The following CNTN4 variants were observed in gnomAD, a reference collection of about 807,000 sequenced individuals.
The protein encoded by CNTN4 is contactin-4.
CNTN4 carries 77 observed loss-of-function variants against 122.5 expected under a neutral mutation model. The observed-to-expected ratio is 0.63, with a 90% CI of 0.52 to 0.76. The LOEUF (loss-of-function observed/expected upper bound fraction) is 0.76, where lower values mean the gene tolerates loss of function less well. CNTN4 is among the 30% of genes least tolerant of loss of function. The pLI, the probability that CNTN4 is intolerant of heterozygous loss-of-function variation, is 0.00. For missense variants in CNTN4, 1,256 were observed against 1,259.1 expected (o/e 1.00, Z 0.04); for synonymous variants, 512 against 447.0 (o/e 1.15, Z -1.83).
chr3:2,886,699 A>C (rs1258250711), intron 9 of CNTN4, among the ~76,000 whole-genome samples: 1 of 151,528 alleles, frequency 6.6e-6, no homozygotes, highest in African/African-American at 2.4e-5. Flanking sequence ...TTTTTAGTAG[A>C]GACGGGGTTT....
At chr3:2,210,001 G>T (rs1372417193) in intron 2 of CNTN4, among the ~76,000 whole-genome samples, 9 of 151,784 alleles carry the variant, frequency 5.9e-5, no homozygotes, top group Admixed American at 5.9e-4. Context: ...GCATAGCCTA[G>T]CCTTTCCTGG....
intron 2 of CNTN4, among the ~76,000 whole-genome samples, chr3:2,210,376 G>A (rs555486049): frequency 8.5e-5 from 13 of 152,226 alleles, no homozygotes; most frequent in Admixed American, 3.9e-4. Flanking sequence ...GTGACAGCAC[G>A]CTGCACCATT....
intron 14 of CNTN4, among the ~76,000 whole-genome samples, chr3:3,001,356 A>T (rs186038913): frequency 6.6e-6 from 1 of 152,250 alleles, no homozygotes. Flanking sequence ...AGAATTCCTC[A>T]TTGTTTTTTC....
At chr3:2,518,547 C>T (rs555398533) in intron 3 of CNTN4, among the ~76,000 whole-genome samples, 1 of 152,064 alleles carries the variant, frequency 6.6e-6, no homozygotes, top group African/African-American at 2.4e-5. Context: ...TTGAGCATCA[C>T]AGAGTTTTCT....
chr3:2,658,085 T>C (rs1045409164), intron 4 of CNTN4, among the ~76,000 whole-genome samples: 1 of 149,954 alleles, frequency 6.7e-6, no homozygotes, highest in African/African-American at 2.5e-5. Context: ...TTTCATTTAA[T>C]GCTGTGCTTA....
At chr3:2,343,754 A>T (rs775048915) in intron 3 of CNTN4, among the ~76,000 whole-genome samples, 1 of 152,260 alleles carries the variant, frequency 6.6e-6, no homozygotes, top group African/African-American at 2.4e-5. Context: ...CACTGGCAAC[A>T]TAGCTATGGT....
intron 12 of CNTN4, among the ~76,000 whole-genome samples, chr3:2,913,972 C>T (rs776765723): frequency 5.3e-5 from 8 of 151,994 alleles, no homozygotes; most frequent in Admixed American, 2.0e-4. Context: ...CGGACTATGA[C>T]GGAATGAAAC....
At chr3:2,609,991 G>A (rs1248721723) in intron 4 of CNTN4, among the ~76,000 whole-genome samples, 1 of 152,140 alleles carries the variant, frequency 6.6e-6, no homozygotes, top group Non-Finnish European at 1.5e-5. Flanking sequence ...TGAGGTTAGA[G>A]ATGATATCTT....
intron 4 of CNTN4, among the ~76,000 whole-genome samples, chr3:2,651,373 A>C (rs1394558282): frequency 6.6e-6 from 1 of 152,120 alleles, no homozygotes; most frequent in African/African-American, 2.4e-5. Flanking sequence ...TCCTTCTCCC[A>C]AAAATAGTGT....
At chr3:2,676,149 A>T (rs2084830994) in intron 4 of CNTN4, among the ~76,000 whole-genome samples, 1 of 151,994 alleles carries the variant, frequency 6.6e-6, no homozygotes, top group Non-Finnish European at 1.5e-5. Context: ...TGATGATAAT[A>T]TTTTACTTAT....
intron 3 of CNTN4, among the ~76,000 whole-genome samples, chr3:2,482,077 G>A (rs1559594008): frequency 6.6e-6 from 1 of 152,184 alleles, no homozygotes; most frequent in South Asian, 2.1e-4. Flanking sequence ...GGTAACAGAG[G>A]TTGAAACAGT....
intron 3 of CNTN4, among the ~76,000 whole-genome samples, chr3:2,478,939 T>A (rs1201561702): frequency 6.6e-6 from 1 of 152,162 alleles, no homozygotes; most frequent in Non-Finnish European, 1.5e-5. Context: ...TTTTACTATA[T>A]AATATCTTGA....
intron 3 of CNTN4, among the ~76,000 whole-genome samples, chr3:2,372,279 T>A (rs933539129): frequency 1.3e-5 from 2 of 152,218 alleles, no homozygotes; most frequent in African/African-American, 2.4e-5. Context: ...AAAGGAGACA[T>A]AAATGGCTTT....
chr3:2,589,763 C>A (rs2080375519), intron 4 of CNTN4, among the ~76,000 whole-genome samples: 1 of 152,180 alleles, frequency 6.6e-6, no homozygotes, highest in African/African-American at 2.4e-5. Flanking sequence ...ACATATGTGA[C>A]TGGCAGGCTC....
intron 4 of CNTN4, among the ~76,000 whole-genome samples, chr3:2,668,419 T>C (rs1272370722): frequency 6.6e-6 from 1 of 152,228 alleles, no homozygotes; most frequent in Non-Finnish European, 1.5e-5. Context: ...ATAAGAATGC[T>C]TGTGATTTTT....
chr3:2,442,235 A>G (rs1002477063), intron 3 of CNTN4, among the ~76,000 whole-genome samples: 8 of 152,102 alleles, frequency 5.3e-5, no homozygotes, highest in African/African-American at 1.9e-4. Context: ...TCCTGTTTCT[A>G]TTATGCTTTT....
At chr3:2,905,905 A>G (rs542836501) in intron 12 of CNTN4, among the ~76,000 whole-genome samples, 27 of 152,344 alleles carry the variant, frequency 1.8e-4, no homozygotes, top group Admixed American at 1.0e-3. Context: ...TTTCCTGCAC[A>G]TAGAGAATCT....
chr3:2,462,381 T>C (rs2049258915), intron 3 of CNTN4, among the ~76,000 whole-genome samples: 1 of 152,078 alleles, frequency 6.6e-6, no homozygotes, highest in South Asian at 2.1e-4. Flanking sequence ...CACAAATTGG[T>C]GTGTTTAGAT....
At chr3:2,986,342 C>T (rs957904969) in intron 13 of CNTN4, among the ~76,000 whole-genome samples, 3 of 152,166 alleles carry the variant, frequency 2.0e-5, no homozygotes, top group Non-Finnish European at 4.4e-5. Context: ...ATTGTTAGTT[C>T]TGTTTCATAG....
Sources: gnomAD v4.1 joint callset for allele counts (sites outside exome capture counted in the v4.1 genomes callset) on GRCh38, gnomAD v4.1.1 for gene constraint, MANE v1.5 for transcripts, NCBI Gene and HGNC (gene_info 2026-07-23, HGNC 2026-07-21) for gene names.